Variants in NIPBL observed in about 807,000 individuals in gnomAD.
NIPBL encodes the protein nipped-B-like protein.
In NIPBL, 19 loss-of-function variants were observed where a neutral mutation model predicts 321.8. The ratio of observed to expected loss-of-function variants is 0.06; its 90% confidence interval spans 0.04 to 0.09. The LOEUF is 0.09. Among genes scored for constraint, NIPBL ranks in the 10% least tolerant of loss-of-function variants. The pLI is 1.00. For synonymous variants in NIPBL, 1,106 were observed against 1,114.1 expected, an observed-to-expected ratio of 0.99 and a Z score of 0.14; for missense variants, 2,210 against 3,327.0, an observed-to-expected ratio of 0.66 and a Z score of 8.26.
At chr5:37,011,427 C>T (rs1411616579) in intron 21 of NIPBL, among the ~76,000 whole-genome samples, 4 of 152,108 alleles carry the variant, frequency 2.6e-5, no homozygotes, top group African/African-American at 7.2e-5. Context: ...TGTTGTTGTG[C>T]ACCTGTCATC....
rs2149690880 is a variant in NIPBL, at chr5:37,016,143, A to G, written c.4749A>G (p.Leu1583=). Residue 1583 remains leucine (L), a synonymous_variant, in exon 23 of 47, where the codon CTA becomes CTG. Coordinates refer to ENST00000282516, the MANE Select transcript of NIPBL (RefSeq NM_133433.4). ...VNKPEWPAAE[L]LLSLLGRLLV... ...AGCCTGAATGGCCAGCTGCTGAACT[A>G]CTCCTTAGTTTGTTAGGGAGACTGT... 6.2e-7 allele frequency: 1 copy of G among 1,613,820 alleles called. No homozygotes were observed. Among genetic ancestry groups the G allele is most frequent in the Non-Finnish European group, 8.5e-7 (1 of 1,179,884 alleles).
chr5:36,969,006 T>C (rs1409154926), intron 6 of NIPBL, among the ~76,000 whole-genome samples: 2 of 152,174 alleles, frequency 1.3e-5, no homozygotes, highest in East Asian at 3.9e-4. Flanking sequence ...ATGAAATCAA[T>C]TGCATTTTTA....
chr5:36,948,995 A>T (rs931480479), intron 1 of NIPBL, among the ~76,000 whole-genome samples: 1 of 151,938 alleles, frequency 6.6e-6, no homozygotes, highest in Non-Finnish European at 1.5e-5. Context: ...TTCTAAGATA[A>T]TATACATGGC....
At chr5:36,918,320 C>CT (rs1748638003) in intron 1 of NIPBL, among the ~76,000 whole-genome samples, 1 of 152,028 alleles carries the variant, frequency 6.6e-6, no homozygotes, top group Non-Finnish European at 1.5e-5. Context: ...ATTTGGCTCT[C>CT]TGTTTGTCTG....
chr5:36,942,847 G>A (rs1739265476), intron 1 of NIPBL, among the ~76,000 whole-genome samples: 1 of 151,734 alleles, frequency 6.6e-6, no homozygotes, highest in African/African-American at 2.4e-5. Flanking sequence ...TGTTTTCTGA[G>A]TTTTTGAAAC....
chr5:37,060,732 T>C, intron 44 of NIPBL, 112 bp from the exon 45 acceptor site: 2 of 880,228 alleles, frequency 2.3e-6, no homozygotes, highest in Admixed American at 2.5e-5. Context: ...GTATTAAAAA[T>C]AGACATGAGA....
chr5:37,044,263 A>G (rs1262705086), intron 34 of NIPBL, 84 bp from the exon 35 acceptor site: 13 of 1,323,964 alleles, frequency 9.8e-6, no homozygotes, highest in Admixed American at 4.1e-5. Context: ...AAAATGCCCT[A>G]TTTCTGCCCC....
rs754929654 is a variant in NIPBL, at chr5:37,010,219, TAAA to T, written c.4558_4560del (p.Lys1520del). 3 of 1,604,632 alleles carry T rather than the reference TAAA, an allele frequency of 1.9e-6. No homozygotes were observed. Among genetic ancestry groups the T allele is most frequent in the Non-Finnish European group, 1.7e-6 (2 of 1,171,844 alleles). On this transcript the variant is annotated inframe_deletion, in exon 21 of 47. Transcript: ENST00000282516. ...ACTCTAATGCAGAAGAAGATTCAAA[TAAA>T]AAAGTAAGGAATCTATTAAAGGTTT...
chr5:36,972,729 T>G (rs1467307884), intron 8 of NIPBL, among the ~76,000 whole-genome samples: 13 of 152,166 alleles, frequency 8.5e-5, no homozygotes, highest in Non-Finnish European at 1.5e-5. Flanking sequence ...GCTATTCCAG[T>G]CCTGAATCAT....
intron 9 of NIPBL, among the ~76,000 whole-genome samples, chr5:36,979,920 G>A (rs940139899): frequency 7.9e-5 from 12 of 151,504 alleles, no homozygotes; most frequent in African/African-American, 2.9e-4. Flanking sequence ...TTTGCATGAC[G>A]TTAAATCTGT....
intron 22 of NIPBL, 112 bp downstream of exon 22, chr5:37,014,877 C>G (rs1748751074): frequency 1.4e-6 from 1 of 695,398 alleles, no homozygotes; most frequent in African/African-American, 1.8e-5. Flanking sequence ...TTGAATACAT[C>G]TTCCTGACAC....
chr5:36,963,021 G>C (rs1214658585), intron 6 of NIPBL, among the ~76,000 whole-genome samples: 1 of 152,004 alleles, frequency 6.6e-6, no homozygotes, highest in Non-Finnish European at 1.5e-5. Flanking sequence ...CTGTAGTACA[G>C]TAAAGGAAAA....
At chr5:37,013,532 G>A (rs1580472105) in intron 21 of NIPBL, among the ~76,000 whole-genome samples, 1 of 151,904 alleles carries the variant, frequency 6.6e-6, no homozygotes, top group South Asian at 2.1e-4. Flanking sequence ...CTTCTCAGAC[G>A]GGGCGGTCGG....
At chr5:36,933,563 C>T (rs549145274) in intron 1 of NIPBL, among the ~76,000 whole-genome samples, 8 of 152,162 alleles carry the variant, frequency 5.3e-5, no homozygotes, top group African/African-American at 1.9e-4. Context: ...GAATCCATAA[C>T]ATGGTAAAAG....
Position 37,042,022 on chromosome 5 carries a change from A to G in NIPBL, c.6109-2325A>G, listed in dbSNP as rs189172720. Among the ~76,000 whole-genome samples the G allele has an allele frequency of 3.9e-5, 6 of 152,320 alleles. No individual in the cohort carries two copies. The East Asian group carries it at 1.2e-3, about 29-fold the overall frequency. ...AAAAAGAATTTATCTTTTCTTTTTAATCCTGTGGGGATCCTAAAAGGAAGG... is the reference window on the plus strand; with the variant it reads ...AAAAAGAATTTATCTTTTCTTTTTAGTCCTGTGGGGATCCTAAAAGGAAGG... On this transcript the variant is annotated intron_variant, in intron 34 of 46. Coordinates refer to ENST00000282516, the MANE Select transcript of NIPBL (RefSeq NM_133433.4).
rs181198963 is a variant in NIPBL, at chr5:37,034,565, C to T, written c.5863-1814C>T. 2.0e-5 allele frequency among the ~76,000 whole-genome samples: 3 copies of T among 152,160 alleles called. No homozygotes were observed. The East Asian group carries it at 5.8e-4, about 29-fold the overall frequency. ...AAAATCAGTAAAATACAGCTGTATG[C>T]AGTAACCTAGATCATAGTGGCATAA... is the stretch of plus-strand genomic sequence containing the variant. On this transcript the variant is annotated intron_variant, in intron 32 of 46. Coordinates refer to ENST00000282516, the MANE Select transcript of NIPBL (RefSeq NM_133433.4).
intron 1 of NIPBL, among the ~76,000 whole-genome samples, chr5:36,878,131 TC>T (rs1278159046): frequency 6.6e-6 from 1 of 152,212 alleles, no homozygotes; most frequent in Non-Finnish European, 1.5e-5. Flanking sequence ...ACTTTTCTTT[TC>T]TTTTTCCAAA....
At chr5:37,024,903 T>C (rs1272206717) in intron 30 of NIPBL, among the ~76,000 whole-genome samples, 184 bp downstream of exon 30, 1 of 152,230 alleles carries the variant, frequency 6.6e-6, no homozygotes, top group Non-Finnish European at 1.5e-5. Context: ...TTAAGTATTA[T>C]AATCTGATTT....
intron 1 of NIPBL, among the ~76,000 whole-genome samples, chr5:36,879,956 T>C (rs1745380782): frequency 6.6e-6 from 1 of 152,096 alleles, no homozygotes; most frequent in Admixed American, 6.5e-5. Flanking sequence ...TCTGAGAACA[T>C]TTTTGAACCT....
Sources: allele counts gnomAD v4.1 joint callset (sites outside exome capture counted in the v4.1 genomes callset), GRCh38; gene constraint gnomAD v4.1.1; transcripts MANE v1.5; gene names NCBI Gene and HGNC (gene_info 2026-07-23, HGNC 2026-07-21).